The following ZNF512B variants were observed in gnomAD, a reference collection of about 807,000 sequenced individuals.
ZNF512B encodes the protein zinc finger protein 512B.
In ZNF512B, 22 loss-of-function variants were observed where a neutral mutation model predicts 87.8. The observed-to-expected ratio is 0.25, with a 90% CI of 0.18 to 0.36. The LOEUF is 0.36. Among genes scored for constraint, ZNF512B ranks in the 10% least tolerant of loss-of-function variants. ZNF512B has a pLI of 1.00. For missense variants in ZNF512B, 1,060 were observed against 1,231.6 expected, an observed-to-expected ratio of 0.86 and a Z score of 2.09; for synonymous variants, 524 against 490.9, an observed-to-expected ratio of 1.07 and a Z score of -0.89.
chr20:63,967,496 G>C lies in ZNF512B; in HGVS notation c.149C>G (p.Thr50Arg). 9 of 1,610,246 alleles carry C rather than the reference G, an allele frequency of 5.6e-6. No homozygotes were observed. Among genetic ancestry groups the C allele is most frequent in the Non-Finnish European group, 7.6e-6 (9 of 1,178,216 alleles). ...GCAGAGAGGGGCCTGGCCGGGCACT[G>C]TCTGTCCACCACGGACCACCGGCAT... ...MGMPVVRGGQ[T>R]VPGQAPLCFD... The change falls in exon 3 of 17, where the codon ACA becomes AGA. Residue 50 changes from threonine to arginine, a missense_variant. Physicochemically the swap from Thr to Arg is moderately conservative, Grantham distance 71 (BLOSUM62 -1). Around this residue, in one of 9 missense-constraint regions of ZNF512B, gnomAD observed 134 missense variants for 153.6 expected, o/e 0.87. Transcript: ENST00000369888.
At chr20:63,962,468 C>A in intron 13 of ZNF512B, 94 bp from the exon 14 acceptor site, 1 of 1,555,254 alleles carries the variant, frequency 6.4e-7, no homozygotes, top group Admixed American at 1.9e-5. Flanking sequence ...ACACTCGCCG[C>A]AGATGGCGGG....
rs1251118699 is a variant in ZNF512B, at chr20:63,962,649, C to T, written c.2101G>A (p.Glu701Lys). 3.1e-6 allele frequency: 5 copies of T among 1,606,568 alleles called. No individual in the cohort carries two copies. Among genetic ancestry groups the T allele is most frequent in the Non-Finnish European group, 3.4e-6 (4 of 1,178,156 alleles). The change falls in exon 13 of 17, where the codon GAG becomes AAG. Residue 701 changes from glutamate to lysine, a missense_variant. By Grantham distance (56) the Glu-to-Lys change is moderately conservative (BLOSUM62 1). This residue lies in a region of ZNF512B where 14 missense variants were observed against 38.7 expected (regional missense o/e 0.36). Coordinates refer to ENST00000369888, the MANE Select transcript of ZNF512B (RefSeq NM_020713.3). Reference sequence around the variant, plus strand: ...CGCTTGGTCCAGTCGCGGGCCAGCTCGTCCTCCGCTATCTCCTGCAGGTGG... The same window carrying T: ...CGCTTGGTCCAGTCGCGGGCCAGCTTGTCCTCCGCTATCTCCTGCAGGTGG... ...VFHLQEIAED[E>K]LARDWTKRRM...
chr20:63,966,410 G>C lies in ZNF512B; in HGVS notation c.765C>G (p.Thr255=), dbSNP rs771752430. Reference sequence around the variant, plus strand: ...CAGACTTGGTGACTGTGATGGGTTTGGTGACCGGCATGGCCTTGGTGACGG... The same window carrying C: ...CAGACTTGGTGACTGTGATGGGTTTCGTGACCGGCATGGCCTTGGTGACGG... ...PMPVTKAMPV[T]KPITVTKSVP... The change falls in exon 5 of 17, where the codon ACC becomes ACG. Residue 255 remains threonine (T), a synonymous_variant. Transcript: ENST00000369888. The C allele has an allele frequency of 1.2e-6, 2 of 1,614,064 alleles. No individual in the cohort carries two copies. The highest frequency in any genetic ancestry group is 2.2e-5 in the South Asian group (2 of 91,070).
In ZNF512B at chr20:63,967,967, G is replaced by T. The variant is rs752818078; in HGVS notation, c.-2-15C>A. 2 of 1,595,008 alleles carry T rather than the reference G, an allele frequency of 1.3e-6. No homozygotes were observed. The highest frequency in any genetic ancestry group is 1.7e-6 in the Non-Finnish European group (2 of 1,166,544). On this transcript the variant is annotated splice_polypyrimidine_tract_variant and intron_variant, in intron 1 of 16. Transcript: ENST00000369888. ...ATCCGTCATCTCTGCAGAGCAAGTA[G>T]ACAATCTGTGAAGCCTGACGGGCCC...
rs780235512 is a variant in ZNF512B at position 63,963,910 on chromosome 20, C to A, written c.1484G>T (p.Gly495Val). ...GGCCCTCTGCCACTGCTCTTCAGGGCCACCTGTGGGTAAGGCAGGGGCCTC... is the reference window on the plus strand; with the variant it reads ...GGCCCTCTGCCACTGCTCTTCAGGGACACCTGTGGGTAAGGCAGGGGCCTC... ...PAPVAHPAPG[G>V]PEEQWQRAIH... Residue 495 changes from glycine to valine, a missense_variant, in exon 9 of 17, where the codon GGC becomes GTC. Around this residue, in one of 9 missense-constraint regions of ZNF512B, gnomAD observed 212 missense variants for 207.6 expected, o/e 1.02. Transcript: ENST00000369888. 3 of 1,610,124 alleles carry A rather than the reference C, an allele frequency of 1.9e-6. No homozygotes were observed. The highest frequency in any genetic ancestry group is 1.1e-5 in the South Asian group (1 of 91,088).
At position 63,957,933 on chromosome 20, in the gene ZNF512B, A is replaced by G. The variant is rs1368635533; in HGVS notation, c.*1955T>C. 3 of 151,678 alleles carry G rather than the reference A, an allele frequency of 2.0e-5. No homozygotes were observed. The highest frequency in any genetic ancestry group is 7.3e-5 in the African/African-American group (3 of 41,176). 9.4% of individuals were successfully genotyped at this position (151,678 alleles called of 1,614,324 possible). A position where few individuals can be genotyped will look rare whatever the true frequency, so the allele number is the denominator to read the frequency against. ...CACCAGTGAAGCTCTGGGACACAGGAAGGAATGCCTCCCCCGACCCTCTGA... is the reference window on the plus strand; with the variant it reads ...CACCAGTGAAGCTCTGGGACACAGGGAGGAATGCCTCCCCCGACCCTCTGA... On this transcript the variant is annotated 3_prime_UTR_variant, in exon 17 of 17. Transcript: ENST00000369888.
chr20:63,968,827 G>A (rs1330297660), intron 1 of ZNF512B, among the ~76,000 whole-genome samples: 2 of 152,250 alleles, frequency 1.3e-5, no homozygotes, highest in African/African-American at 4.8e-5. Flanking sequence ...GCTGCCCAAG[G>A]CTGGGGCCCC....
At position 63,962,351 on chromosome 20, in the gene ZNF512B, G is replaced by C; in HGVS notation, c.2187C>G (p.Leu729=). 4.3e-6 allele frequency: 7 copies of C among 1,612,692 alleles called. No individual in the cohort carries two copies. Among genetic ancestry groups the C allele is most frequent in the Non-Finnish European group, 5.9e-6 (7 of 1,179,860 alleles). The change falls in exon 14 of 17, where the codon CTC becomes CTG. Residue 729 remains leucine, a synonymous_variant. Transcript: ENST00000369888. ...TARLNYTRPG[L]PTLNPQLLEA... is the part of the protein sequence containing the mutation. ...CTAGCAGCTGGGGGTTCAGCGTGGG[G>C]AGCCCTGGTCGAGTGTAGTTGAGCT...
chr20:63,963,101 C>T lies in ZNF512B; in HGVS notation c.1962G>A (p.Thr654=), dbSNP rs147556068. ...GHDYHVRSEH[T]APPPEEPTDK... is the part of the protein sequence containing the mutation. ...AGAACAGAGAGCCACTCACGGGGGC[C>T]GTGTGCTCCGAGCGCACGTGGTAGT... is the stretch of plus-strand genomic sequence containing the variant. Residue 654 remains threonine, a synonymous_variant, in exon 12 of 17, where the codon ACG becomes ACA. Transcript: ENST00000369888. 1.1e-4 allele frequency: 167 copies of T among 1,556,616 alleles called. No individual in the cohort carries two copies. The highest frequency in any genetic ancestry group is 1.3e-4 in the Non-Finnish European group (156 of 1,158,188).
Position 63,966,787 on chromosome 20 carries a change from C to T in ZNF512B, c.394-6G>A. 6.3e-7 allele frequency: 1 copy of T among 1,598,910 alleles called. No individual in the cohort carries two copies. The highest frequency in any genetic ancestry group is 8.5e-7 in the Non-Finnish European group (1 of 1,172,306). On this transcript the variant is annotated splice_region_variant and splice_polypyrimidine_tract_variant and intron_variant, in intron 4 of 16. Transcript: ENST00000369888. ...AGGCGATCTGAGATGGCACCCTGGG[C>T]AGGGAAGGGAAGGTTTGGGACAGGG...
At chr20:63,962,103 C>A (rs2058859137) in intron 14 of ZNF512B, 99 bp from the exon 15 acceptor site, 2 of 1,416,830 alleles carry the variant, frequency 1.4e-6, no homozygotes, top group Non-Finnish European at 1.9e-6. Context: ...CTCTTTGGGG[C>A]AAGTGAGGGG....
rs60585835 is a variant in ZNF512B, at chr20:63,957,295, G to C, written c.*2593C>G. On this transcript the variant is annotated 3_prime_UTR_variant, in exon 17 of 17. Coordinates refer to ENST00000369888, the MANE Select transcript of ZNF512B (RefSeq NM_020713.3). ...AGGGCAGGGGGCGTGCGCTGAGCCA[G>C]AGGTAGATCTGCAGAAAGGGCCCCG... 6.6e-6 allele frequency: 1 copy of C among 152,578 alleles called. No individual in the cohort carries two copies. Among genetic ancestry groups the C allele is most frequent in the Non-Finnish European group, 1.5e-5 (1 of 68,050 alleles). 9.5% of individuals were successfully genotyped at this position (152,578 alleles called of 1,614,324 possible).
rs141233647 is a variant in ZNF512B, at chr20:63,960,065, C to G, written c.2502G>C (p.Lys834Asn). 5.3e-4 allele frequency: 858 copies of G among 1,613,910 alleles called. No individual in the cohort carries two copies. The highest frequency in any genetic ancestry group is 6.9e-4 in the Non-Finnish European group (816 of 1,180,032). ...SQDSLVPKKE[K>N]KKNLAGGKKR... ...TCTTTCCACCTGCCAGATTTTTCTT[C>G]TTTTCCTTCTTGGGCACCAATGAGT... The change falls in exon 17 of 17, where the codon AAG (lysine) becomes AAC (asparagine). Residue 834 changes from lysine (K) to asparagine (N), a missense_variant. Lys to Asn is a moderately conservative substitution (Grantham distance 94). Transcript: ENST00000369888.
Position 63,963,656 on chromosome 20 carries a change from C to T in ZNF512B, c.1660G>A (p.Gly554Ser), listed in dbSNP as rs756972708. The part of the protein sequence containing the change: ...HCRKQFKSKA[G>S]LNYHTMAEHS... ...TCGGCCATAGTGTGGTAGTTGAGGC[C>T]GGCTTTGGACTTGAACTGCTTCCGG... is the stretch of plus-strand genomic sequence containing the variant. Residue 554 changes from glycine to serine, a missense_variant, in exon 10 of 17, where the codon GGC (glycine) becomes AGC (serine). Physicochemically the swap from Gly to Ser is moderately conservative, Grantham distance 56 (BLOSUM62 0). Transcript: ENST00000369888. 10 of 1,613,530 alleles carry T rather than the reference C, an allele frequency of 6.2e-6. No homozygotes were observed. Among genetic ancestry groups the T allele is most frequent in the African/African-American group, 2.7e-5 (2 of 74,932 alleles).
Position 63,962,555 on chromosome 20 carries a change from C to A in ZNF512B, c.2163+32G>T, listed in dbSNP as rs373848377. The stretch of plus-strand genomic sequence containing the variant: ...GGCATGCCCCACGCAGAGGCCACGG[C>A]GCTGTCCACAGCCCTGGGGGGGGCA... On this transcript the variant is annotated intron_variant, in intron 13 of 16. Coordinates refer to ENST00000369888, the MANE Select transcript of ZNF512B (RefSeq NM_020713.3). 6 of 1,589,248 alleles carry A rather than the reference C, an allele frequency of 3.8e-6. No individual in the cohort carries two copies. In the East Asian group the frequency reaches 1.4e-4, roughly 36 times the overall value.
At chr20:63,964,005 A>ATCCCTGTGC (rs1290444874) in intron 8 of ZNF512B, 66 bp downstream of exon 8, 1 of 1,593,520 alleles carries the variant, frequency 6.3e-7, no homozygotes, top group Non-Finnish European at 8.5e-7. Flanking sequence ...CTCAGCCCCC[A>ATCCCTGTGC]TCCCTGTGCT....
chr20:63,966,507 G>A lies in ZNF512B; in HGVS notation c.668C>T (p.Pro223Leu), dbSNP rs1339319226. The change falls in exon 5 of 17, where the codon CCA becomes CTA. Residue 223 changes from proline to leucine, a missense_variant. This residue lies in a region of ZNF512B where 201 missense variants were observed against 226.8 expected (regional missense o/e 0.89). Transcript: ENST00000369888. Reference protein sequence around the residue: ...SKPVSVGRPMPVTKAIPVTRP... With the variant: ...SKPVSVGRPMLVTKAIPVTRP... ...AGTGACCGGGATGGCCTTGGTGACT[G>A]GCATGGGTCTGCCGACCGAGACTGG... is the stretch of plus-strand genomic sequence containing the variant. The A allele has an allele frequency of 1.2e-6, 2 of 1,614,158 alleles. No individual in the cohort carries two copies. Among genetic ancestry groups the A allele is most frequent in the East Asian group, 2.2e-5 (1 of 44,884 alleles).
At position 63,959,932 on chromosome 20, in the gene ZNF512B, AG is replaced by A; in HGVS notation, c.2634del (p.Ser879ProfsTer66). On this transcript the variant is annotated frameshift_variant, in exon 17 of 17. Transcript: ENST00000369888. LOFTEE classifies it high-confidence loss of function. Reference sequence around the variant, plus strand: ...CTGACTCCCACCTTCCGGCCGGTGGAGCCCCGGGCCCCCTTGTCTCTGCATC... The same window carrying A: ...CTGACTCCCACCTTCCGGCCGGTGGACCCCGGGCCCCCTTGTCTCTGCATC... ...PPGCRDKGARGSTGRKVGVSK... is the reference protein window; with the variant it reads ...PPGCRDKGARXSTGRKVGVSK... 1 of 1,605,934 alleles carries A rather than the reference AG, an allele frequency of 6.2e-7. No individual in the cohort carries two copies. The highest frequency in any genetic ancestry group is 8.5e-7 in the Non-Finnish European group (1 of 1,177,922).
At position 63,964,178 on chromosome 20, in the gene ZNF512B, G is replaced by A; in HGVS notation, c.1373C>T (p.Ser458Phe). The A allele has an allele frequency of 6.3e-7, 1 of 1,599,140 alleles. No homozygotes were observed. The highest frequency in any genetic ancestry group is 8.5e-7 in the Non-Finnish European group (1 of 1,173,588). Residue 458 changes from serine (S) to phenylalanine (F), a missense_variant, in exon 8 of 17, where the codon TCC becomes TTC. Physicochemically the swap from Ser to Phe is radical, Grantham distance 155. Around this residue, in one of 9 missense-constraint regions of ZNF512B, gnomAD observed 212 missense variants for 207.6 expected, o/e 1.02. Coordinates refer to ENST00000369888, the MANE Select transcript of ZNF512B (RefSeq NM_020713.3). ...KAEDKARVHR[S>F]KKQEGPGPED... ...AGGGCCTGGCCCCTCCTGCTTCTTG[G>A]AGCGGTGAACTCGGGCCTTGTCCTC...
Sources: gnomAD v4.1 joint callset for allele counts (sites outside exome capture counted in the v4.1 genomes callset) on GRCh38, gnomAD v4.1.1 for gene constraint, gnomAD v4.1.1 regional missense constraint, MANE v1.5 for transcripts, NCBI Gene and HGNC (gene_info 2026-07-23, HGNC 2026-07-21) for gene names.